The following FAM229B variants were observed in gnomAD, a reference collection of about 807,000 sequenced individuals.
The protein encoded by FAM229B is protein FAM229B.
In FAM229B, 2 loss-of-function variants were observed where a neutral mutation model predicts 6.7. The ratio of observed to expected loss-of-function variants is 0.30; its 90% CI spans 0.12 to 0.94. The LOEUF is 0.94. Ranked by LOEUF, FAM229B falls within the 40% of genes least tolerant of loss-of-function variation. The pLI, the probability that FAM229B is intolerant of heterozygous loss-of-function variation, is 0.54. For missense variants in FAM229B, 93 were observed against 96.2 expected (o/e 0.97, Z 0.14); for synonymous variants, 29 against 34.0 (o/e 0.85, Z 0.51).
At chr6:112,095,847 AC>A (rs2114506844) in intron 1 of FAM229B, among the ~76,000 whole-genome samples, 1 of 152,168 alleles carries the variant, frequency 6.6e-6, no homozygotes. Flanking sequence ...TGTTTGTGTG[AC>A]TGTGACACCG....
chr6:112,091,022 C>T (rs1336967014), intron 1 of FAM229B, among the ~76,000 whole-genome samples: 2 of 151,678 alleles, frequency 1.3e-5, no homozygotes, highest in African/African-American at 4.8e-5. Context: ...CACCCTCCAG[C>T]TTTGCTACCC....
chr6:112,097,980 A>G (rs782738064), intron 2 of FAM229B, among the ~76,000 whole-genome samples: 1 of 152,146 alleles, frequency 6.6e-6, no homozygotes, highest in African/African-American at 2.4e-5. Context: ...GTCTATAGAC[A>G]TTTTGGGCTG....
At position 112,087,707 on chromosome 6, in the gene FAM229B, G is replaced by T. The variant is rs1777194120; in HGVS notation, c.-189G>T. 6.4e-6 allele frequency: 3 copies of T among 471,806 alleles called. No homozygotes were observed. Among genetic ancestry groups the T allele is most frequent in the Non-Finnish European group, 1.1e-5 (3 of 265,418 alleles). The allele number at this position is 471,806 out of a possible 1,614,324, so 29.2% of individuals were successfully genotyped here. ...TCGAGCATCGGCAGCTCCGGAGGCC[G>T]GGGTAACTGGCAGGTAACTAGGCTT... On this transcript the variant is annotated 5_prime_UTR_variant, in exon 1 of 4. Coordinates refer to ENST00000368656, the MANE Select transcript of FAM229B (RefSeq NM_001033564.3).
chr6:112,095,203 G>T (rs1358696232), intron 1 of FAM229B, among the ~76,000 whole-genome samples: 1 of 152,140 alleles, frequency 6.6e-6, no homozygotes, highest in African/African-American at 2.4e-5. Context: ...GAATTCTTGT[G>T]TCCCAGTTAT....
chr6:112,097,817 G>A (rs1777346743), intron 2 of FAM229B, among the ~76,000 whole-genome samples: 1 of 152,236 alleles, frequency 6.6e-6, no homozygotes, highest in African/African-American at 2.4e-5. Flanking sequence ...TGTCCACTGT[G>A]TGACAAGCAC....
intron 1 of FAM229B, among the ~76,000 whole-genome samples, chr6:112,093,494 A>G (rs1051283368): frequency 6.6e-6 from 1 of 152,124 alleles, no homozygotes. Flanking sequence ...AGAATATGGA[A>G]GACTTGAACA....
chr6:112,088,561 C>T (rs1302068234), intron 1 of FAM229B, among the ~76,000 whole-genome samples: 2 of 151,918 alleles, frequency 1.3e-5, no homozygotes, highest in African/African-American at 4.8e-5. Flanking sequence ...ATTGTCCCAC[C>T]AAGACACGTA....
chr6:112,099,549 G>A (rs1341465363), intron 3 of FAM229B, 141 bp downstream of exon 3: 7 of 767,846 alleles, frequency 9.1e-6, no homozygotes, highest in South Asian at 2.7e-5. Flanking sequence ...TATTAACAGA[G>A]CCCAGTTTTC....
Position 112,087,618 on chromosome 6 carries a change from G to A in FAM229B, c.-278G>A. On this transcript the variant is annotated 5_prime_UTR_variant, in exon 1 of 4. It adds an upstream start codon to the 5' untranslated region. Transcript: ENST00000368656. Reference sequence around the variant, plus strand: ...CAGAAGGCCGCGCAAGTGCACTTGCGTGTCACCGTTACCGTAGCGACTGGG... The same window carrying A: ...CAGAAGGCCGCGCAAGTGCACTTGCATGTCACCGTTACCGTAGCGACTGGG... 1 of 634,438 alleles carries A rather than the reference G, an allele frequency of 1.6e-6. No individual in the cohort carries two copies. The allele number at this position is 634,438 out of a possible 1,614,324, so 39.3% of individuals were successfully genotyped here.
Position 112,100,910 on chromosome 6 carries a change from A to G in FAM229B, c.*123A>G. ...GATGATGACAACAGTTGAGCTCTTT[A>G]CTTTTAGTAAGACCGACAGAAATGT... On this transcript the variant is annotated 3_prime_UTR_variant, in exon 4 of 4. Coordinates refer to ENST00000368656, the MANE Select transcript of FAM229B (RefSeq NM_001033564.3). 3 of 724,738 alleles carry G rather than the reference A, an allele frequency of 4.1e-6. No homozygotes were observed. Among genetic ancestry groups the G allele is most frequent in the South Asian group, 1.7e-5 (1 of 58,070 alleles). 44.9% of individuals were successfully genotyped at this position (724,738 alleles called of 1,614,324 possible).
intron 1 of FAM229B, among the ~76,000 whole-genome samples, chr6:112,096,051 A>G (rs1276565477): frequency 3.3e-5 from 5 of 152,266 alleles, no homozygotes; most frequent in African/African-American, 7.2e-5. Flanking sequence ...TAGTTTAGTC[A>G]TCGGATATGA....
intron 1 of FAM229B, among the ~76,000 whole-genome samples, chr6:112,091,449 G>A (rs1217269205): frequency 6.6e-6 from 1 of 152,112 alleles, no homozygotes; most frequent in Non-Finnish European, 1.5e-5. Context: ...CGTATCTTGA[G>A]TGGAGAAACC....
In FAM229B at chr6:112,101,807, C is replaced by T. The variant is rs1777402794; in HGVS notation, c.*1020C>T. 1 of 152,108 alleles carries T rather than the reference C, an allele frequency of 6.6e-6. No homozygotes were observed. Among genetic ancestry groups the T allele is most frequent in the African/African-American group, 2.4e-5 (1 of 41,418 alleles). The allele number at this position is 152,108 out of a possible 1,614,324, so 9.4% of individuals were successfully genotyped here. On this transcript the variant is annotated 3_prime_UTR_variant, in exon 4 of 4. Coordinates refer to ENST00000368656, the MANE Select transcript of FAM229B (RefSeq NM_001033564.3). Reference sequence around the variant, plus strand: ...ACTTATAATTAAATAGACGTAGATGCATATGTGTTGCATTAGGTGAAAAGA... The same window carrying T: ...ACTTATAATTAAATAGACGTAGATGTATATGTGTTGCATTAGGTGAAAAGA...
At chr6:112,095,348 T>C (rs1554318547) in intron 1 of FAM229B, among the ~76,000 whole-genome samples, 2 of 152,064 alleles carry the variant, frequency 1.3e-5, no homozygotes, top group Non-Finnish European at 2.9e-5. Flanking sequence ...AATTCAAACC[T>C]GGCTGGGCAC....
intron 1 of FAM229B, among the ~76,000 whole-genome samples, chr6:112,095,783 G>A (rs192001096): frequency 6.7e-6 from 1 of 150,268 alleles, no homozygotes; most frequent in Non-Finnish European, 1.5e-5. Flanking sequence ...CCATCCTAAG[G>A]ACCAAATGTT....
chr6:112,093,040 G>A (rs58908485), intron 1 of FAM229B, among the ~76,000 whole-genome samples: 32,543 of 151,722 alleles, frequency 0.21, 3,896 homozygotes, highest in Middle Eastern at 0.27. Context: ...TAATTCAACC[G>A]TATCTATCAT....
At position 112,100,724 on chromosome 6, in the gene FAM229B, C is replaced by A. The variant is rs782019486; in HGVS notation, c.180C>A (p.Val60=). 1 of 1,614,044 alleles carries A rather than the reference C, an allele frequency of 6.2e-7. No individual in the cohort carries two copies. Among genetic ancestry groups the A allele is most frequent in the Non-Finnish European group, 8.5e-7 (1 of 1,179,954 alleles). ...SHCLTITDVP[V]TVYATTRKPP... ...GCCTGACAATAACTGATGTTCCCGT[C>A]ACTGTTTATGCAACAACGAGAAAGC... Residue 60 remains valine, a synonymous_variant, in exon 4 of 4, where the codon GTC becomes GTA. Coordinates refer to ENST00000368656, the MANE Select transcript of FAM229B (RefSeq NM_001033564.3).
At chr6:112,095,725 C>T (rs1302268999) in intron 1 of FAM229B, among the ~76,000 whole-genome samples, 1 of 142,500 alleles carries the variant, frequency 7.0e-6, no homozygotes, top group Admixed American at 7.1e-5. Flanking sequence ...ACCCATCATT[C>T]TCCCCACTGC....
At position 112,087,593 on chromosome 6, in the gene FAM229B, C is replaced by A; in HGVS notation, c.-303C>A. On this transcript the variant is annotated 5_prime_UTR_variant, in exon 1 of 4. Coordinates refer to ENST00000368656, the MANE Select transcript of FAM229B (RefSeq NM_001033564.3). ...GTAGGTTCAGGCTAAGGTTTTCCGT[C>A]AGAAGGCCGCGCAAGTGCACTTGCG... The A allele has an allele frequency of 1.2e-6, 1 of 801,066 alleles. No homozygotes were observed. The highest frequency in any genetic ancestry group is 1.9e-6 in the Non-Finnish European group (1 of 518,966). 49.6% of individuals were successfully genotyped at this position (801,066 alleles called of 1,614,324 possible). A position where few individuals can be genotyped will look rare whatever the true frequency, so the allele number is the denominator to read the frequency against.
Sources: gnomAD v4.1 joint callset for allele counts (sites outside exome capture counted in the v4.1 genomes callset) on GRCh38, gnomAD v4.1.1 for gene constraint, MANE v1.5 for transcripts, NCBI Gene and HGNC (gene_info 2026-07-23, HGNC 2026-07-21) for gene names.